NKAIN2: variants seen among roughly 807,000 people sequenced by gnomAD.
The protein encoded by NKAIN2 is sodium/potassium transporting ATPase interacting 2, also known as sodium/potassium-transporting ATPase subunit beta-1-interacting protein 2.
Under a neutral mutation model 32.6 loss-of-function variants are expected in NKAIN2, and 14 were observed. The observed-to-expected ratio is 0.43, with a 90% CI of 0.28 to 0.67. NKAIN2 has a LOEUF of 0.67. Ranked by LOEUF, NKAIN2 falls within the 30% of genes least tolerant of loss-of-function variation. The pLI is 0.17. For missense variants in NKAIN2, 198 were observed against 258.3 expected (o/e 0.77, Z 1.60); for synonymous variants, 80 against 87.2 (o/e 0.92, Z 0.46).
At chr6:123,904,783 A>C (rs570880453) in intron 1 of NKAIN2, among the ~76,000 whole-genome samples, 1 of 152,276 alleles carries the variant, frequency 6.6e-6, no homozygotes, top group South Asian at 2.1e-4. Context: ...TTTTCAGTCA[A>C]ATATTTCTCT....
In NKAIN2 at chr6:124,022,972, T is replaced by C. The variant is rs575627826; in HGVS notation, c.54+218718T>C. Among the ~76,000 whole-genome samples, 20 of 152,094 alleles carry C rather than the reference T, an allele frequency of 1.3e-4. No individual in the cohort carries two copies. The South Asian group carries it at 4.2e-3, about 32-fold the overall frequency. On this transcript the variant is annotated intron_variant, in intron 1 of 6. Coordinates refer to ENST00000368417, the MANE Select transcript of NKAIN2 (RefSeq NM_001040214.3). ...CTAGCAGTATGTGGGGGCACCAGCA[T>C]AGCCCAAGTCTCTCACAGTTCTAAA...
chr6:124,450,906 A>G (rs1776079278), intron 3 of NKAIN2, among the ~76,000 whole-genome samples: 1 of 152,116 alleles, frequency 6.6e-6, no homozygotes, highest in Non-Finnish European at 1.5e-5. Context: ...TTAAACAAAT[A>G]TAATCCAAAT....
chr6:124,513,116 C>T (rs548960604), intron 3 of NKAIN2, among the ~76,000 whole-genome samples: 11 of 151,970 alleles, frequency 7.2e-5, no homozygotes, highest in Non-Finnish European at 1.5e-4. Context: ...GGTACTGAGG[C>T]CACACGGACT....
intron 3 of NKAIN2, among the ~76,000 whole-genome samples, chr6:124,431,650 A>G (rs1775221403): frequency 6.6e-6 from 1 of 152,214 alleles, no homozygotes; most frequent in Non-Finnish European, 1.5e-5. Flanking sequence ...TGGAAAATAT[A>G]TGACCTATAG....
intron 1 of NKAIN2, among the ~76,000 whole-genome samples, chr6:123,828,282 A>G (rs926582021): frequency 6.6e-6 from 1 of 152,164 alleles, no homozygotes; most frequent in Admixed American, 6.6e-5. Context: ...TATTAAATGA[A>G]TGCACATTTT....
chr6:124,017,856 G>T (rs565599742), intron 1 of NKAIN2, among the ~76,000 whole-genome samples: 1 of 151,976 alleles, frequency 6.6e-6, no homozygotes, highest in East Asian at 1.9e-4. Context: ...GTGAGCATTT[G>T]GTGGATCTAC....
intron 3 of NKAIN2, among the ~76,000 whole-genome samples, chr6:124,639,759 G>A (rs1165335441): frequency 6.6e-6 from 1 of 152,094 alleles, no homozygotes; most frequent in Non-Finnish European, 1.5e-5. Context: ...GTTCTCACTC[G>A]TATGTGCGAG....
chr6:124,509,413 G>A (rs985892037), intron 3 of NKAIN2, among the ~76,000 whole-genome samples: 3 of 152,094 alleles, frequency 2.0e-5, no homozygotes, highest in African/African-American at 7.2e-5. Context: ...ATATATACTC[G>A]GTTTTGTTCT....
chr6:124,542,556 T>C (rs1274827910), intron 3 of NKAIN2, among the ~76,000 whole-genome samples: 1 of 152,112 alleles, frequency 6.6e-6, no homozygotes, highest in Non-Finnish European at 1.5e-5. Context: ...TTTGAAGACC[T>C]CCACAACTGC....
intron 2 of NKAIN2, among the ~76,000 whole-genome samples, chr6:124,302,341 G>C (rs1456256212): frequency 6.6e-6 from 1 of 152,198 alleles, no homozygotes; most frequent in African/African-American, 2.4e-5. Context: ...AGAGTAATCT[G>C]ATTCTTAGAT....
At chr6:124,498,227 T>A (rs1304929734) in intron 3 of NKAIN2, among the ~76,000 whole-genome samples, 1 of 152,012 alleles carries the variant, frequency 6.6e-6, no homozygotes, top group Non-Finnish European at 1.5e-5. Context: ...GAGACCCAGG[T>A]GGAAAGATTG....
intron 2 of NKAIN2, among the ~76,000 whole-genome samples, chr6:124,288,615 A>G (rs921773043): frequency 6.6e-6 from 1 of 152,144 alleles, no homozygotes; most frequent in African/African-American, 2.4e-5. Flanking sequence ...CTTTTTCTAT[A>G]GCACCCAGCT....
At chr6:124,584,780 AT>A (rs1349036313) in intron 3 of NKAIN2, among the ~76,000 whole-genome samples, 3 of 152,170 alleles carry the variant, frequency 2.0e-5, no homozygotes, top group Non-Finnish European at 4.4e-5. Flanking sequence ...CTTAAAATGG[AT>A]TTTATCCAAA....
At chr6:124,007,891 G>T (rs2114727588) in intron 1 of NKAIN2, among the ~76,000 whole-genome samples, 1 of 152,272 alleles carries the variant, frequency 6.6e-6, no homozygotes, top group East Asian at 1.9e-4. Context: ...GCTGCCAATT[G>T]CATGATCTCA....
At chr6:123,813,554 GTAA>G (rs1459388146) in intron 1 of NKAIN2, among the ~76,000 whole-genome samples, 1 of 152,172 alleles carries the variant, frequency 6.6e-6, no homozygotes, top group Non-Finnish European at 1.5e-5. Context: ...GCTCATGCCT[GTAA>G]TACCAGCACT....
intron 1 of NKAIN2, among the ~76,000 whole-genome samples, chr6:124,222,034 G>T (rs1375973780): frequency 6.6e-6 from 1 of 152,152 alleles, no homozygotes; most frequent in African/African-American, 2.4e-5. Flanking sequence ...TTGCCTTCTA[G>T]ATTACCATTA....
chr6:124,124,379 A>C (rs1201263636), intron 1 of NKAIN2, among the ~76,000 whole-genome samples: 1 of 152,146 alleles, frequency 6.6e-6, no homozygotes, highest in Non-Finnish European at 1.5e-5. Context: ...CACAGCATTA[A>C]TGGGAAATTG....
At chr6:124,188,044 C>A (rs1003698306) in intron 1 of NKAIN2, among the ~76,000 whole-genome samples, 1 of 152,102 alleles carries the variant, frequency 6.6e-6, no homozygotes, top group African/African-American at 2.4e-5. Context: ...GATCCAGTAG[C>A]CTTATTATTC....
intron 3 of NKAIN2, among the ~76,000 whole-genome samples, chr6:124,644,896 T>A (rs1331373755): frequency 6.6e-6 from 1 of 152,222 alleles, no homozygotes; most frequent in Non-Finnish European, 1.5e-5. Context: ...GTTGTCTGTT[T>A]TACAAGAAGA....
Sources: gnomAD v4.1 joint callset for allele counts (sites outside exome capture counted in the v4.1 genomes callset) on GRCh38, gnomAD v4.1.1 for gene constraint, MANE v1.5 for transcripts, NCBI Gene and HGNC (gene_info 2026-07-23, HGNC 2026-07-21) for gene names.